Variants in SMIM10L3 observed in about 807,000 individuals in gnomAD.
The protein encoded by SMIM10L3 is salivary gland specific protein SAGSIN1.
chr7:6,333,201 G>A, the SMIM10L3 span, among the ~76,000 whole-genome samples: 1 of 151,656 alleles, frequency 6.6e-6, no homozygotes, highest in Non-Finnish European at 1.5e-5. Context: ...AAAAAACACT[G>A]GGGAGAAAAT....
chr7:6,341,134 A>G, the SMIM10L3 span, among the ~76,000 whole-genome samples: 1 of 138,494 alleles, frequency 7.2e-6, no homozygotes, highest in African/African-American at 2.8e-5. Context: ...ACACAGCAAG[A>G]CTCTGTCCCA....
At chr7:6,348,606 G>T in the SMIM10L3 span, 1 of 465,132 alleles carries the variant, frequency 2.1e-6, no homozygotes, top group South Asian at 4.1e-5. Flanking sequence ...TGGAAGCCAC[G>T]ATGTAGAGGT....
At chr7:6,337,342 TAACTCC>T in the SMIM10L3 span, among the ~76,000 whole-genome samples, 1 of 151,662 alleles carries the variant, frequency 6.6e-6, no homozygotes, top group Non-Finnish European at 1.5e-5. Flanking sequence ...GGCTGGTCTC[TAACTCC>T]TGACCTCAGG....
chr7:6,348,901 T>C, the SMIM10L3 span: 1 of 385,244 alleles, frequency 2.6e-6, no homozygotes, highest in African/African-American at 2.1e-5. Flanking sequence ...TGGAGCGGAG[T>C]CCGCACGTCA....
the SMIM10L3 span, among the ~76,000 whole-genome samples, chr7:6,347,139 C>A: frequency 1.3e-5 from 2 of 152,104 alleles, no homozygotes; most frequent in Admixed American, 6.6e-5. Flanking sequence ...CCAGCCTTGG[C>A]AACATGGGAA....
At chr7:6,338,193 T>C in the SMIM10L3 span, among the ~76,000 whole-genome samples, 1 of 152,184 alleles carries the variant, frequency 6.6e-6, no homozygotes, top group Non-Finnish European at 1.5e-5. Context: ...ACATATTACC[T>C]GTATTCTGAG....
At chr7:6,346,524 T>A in the SMIM10L3 span, among the ~76,000 whole-genome samples, 1 of 151,996 alleles carries the variant, frequency 6.6e-6, no homozygotes, top group South Asian at 2.1e-4. Flanking sequence ...ACGCCACCAC[T>A]GCCCGGCCAC....
the SMIM10L3 span, among the ~76,000 whole-genome samples, chr7:6,337,022 G>A: frequency 6.6e-6 from 1 of 151,884 alleles, no homozygotes; most frequent in South Asian, 2.1e-4. Context: ...ATCCTTAAAC[G>A]GAAGGATTCC....
At chr7:6,348,445 C>A in the SMIM10L3 span, 1 of 397,262 alleles carries the variant, frequency 2.5e-6, no homozygotes. Context: ...TAGGGTCGCA[C>A]GGGAAAATGC....
At chr7:6,342,462 CCAGAAGT>C in the SMIM10L3 span, among the ~76,000 whole-genome samples, 1 of 151,824 alleles carries the variant, frequency 6.6e-6, no homozygotes, top group Non-Finnish European at 1.5e-5. Flanking sequence ...TCACTTGAAC[CCAGAAGT>C]CAGAAGTTGC....
chr7:6,348,891 T>C, the SMIM10L3 span: 2 of 387,590 alleles, frequency 5.2e-6, no homozygotes, highest in East Asian at 3.7e-5. Flanking sequence ...CGGGCCGCAG[T>C]GGAGCGGAGT....
At chr7:6,333,930 T>C in the SMIM10L3 span, among the ~76,000 whole-genome samples, 6 of 141,128 alleles carry the variant, frequency 4.3e-5, no homozygotes, top group South Asian at 2.4e-4. Flanking sequence ...CACTAAAAGC[T>C]CCACCTCCCG....
At chr7:6,331,536 C>A in the SMIM10L3 span, among the ~76,000 whole-genome samples, 1 of 151,874 alleles carries the variant, frequency 6.6e-6, no homozygotes, top group Non-Finnish European at 1.5e-5. Flanking sequence ...TGCATGCCAC[C>A]AAGCCCGCTA....
At chr7:6,337,227 A>G in the SMIM10L3 span, among the ~76,000 whole-genome samples, 1 of 152,126 alleles carries the variant, frequency 6.6e-6, no homozygotes, top group Non-Finnish European at 1.5e-5. Flanking sequence ...GTATGCCACC[A>G]TGGCCCTGGC....
chr7:6,341,222 A>T, the SMIM10L3 span, among the ~76,000 whole-genome samples: 4 of 151,356 alleles, frequency 2.6e-5, no homozygotes, highest in Non-Finnish European at 4.4e-5. Flanking sequence ...AGGAGGGTAG[A>T]TCAGGAGGTC....
At chr7:6,336,245 C>G in the SMIM10L3 span, among the ~76,000 whole-genome samples, 3 of 151,280 alleles carry the variant, frequency 2.0e-5, no homozygotes, top group East Asian at 1.9e-4. Flanking sequence ...ACTTGAGAGG[C>G]TGAGGTAGGA....
At chr7:6,334,794 G>C in the SMIM10L3 span, among the ~76,000 whole-genome samples, 1 of 120,840 alleles carries the variant, frequency 8.3e-6, no homozygotes, top group Non-Finnish European at 1.7e-5. Flanking sequence ...TTTTGAAATG[G>C]AGTTTCACTC....
chr7:6,331,229 T>C, the SMIM10L3 span: 1 of 1,424,912 alleles, frequency 7.0e-7, no homozygotes, highest in South Asian at 1.4e-5. Flanking sequence ...TGGATCTCAA[T>C]ATGAACCTAG....
chr7:6,348,488 G>C, the SMIM10L3 span: 2 of 409,692 alleles, frequency 4.9e-6, no homozygotes, highest in Non-Finnish European at 8.6e-6. Context: ...CTTCTAGGCA[G>C]TGGCAGCTGC....
Sources: gnomAD v4.1 joint callset for allele counts (sites outside exome capture counted in the v4.1 genomes callset) on GRCh38, gnomAD v4.1.1 for gene constraint, MANE v1.5 for transcripts, NCBI Gene and HGNC (gene_info 2026-07-23, HGNC 2026-07-21) for gene names.